HADH: variants seen among roughly 807,000 people sequenced by gnomAD.
HADH encodes hydroxyacyl-CoA dehydrogenase.
In HADH, 24 loss-of-function variants were observed where a neutral mutation model predicts 32.2. The observed-to-expected ratio is 0.75, with a 90% CI of 0.54 to 1.05. HADH has a LOEUF of 1.05. HADH is among the 50% of genes least tolerant of loss of function. HADH has a pLI of 0.00. For synonymous variants in HADH, 139 were observed against 152.5 expected (o/e 0.91, Z 0.65); for missense variants, 350 against 397.1 (o/e 0.88, Z 1.01).
chr4:108,005,185 C>T (rs1029367008), intron 1 of HADH: 10 of 259,176 alleles, frequency 3.9e-5, no homozygotes, highest in African/African-American at 1.8e-4. Flanking sequence ...CTAAAACTTA[C>T]ATTAAACAAT....
At chr4:108,008,364 A>G (rs1735360720) in intron 1 of HADH, among the ~76,000 whole-genome samples, 1 of 152,320 alleles carries the variant, frequency 6.6e-6, no homozygotes, top group East Asian at 1.9e-4. Flanking sequence ...CTGCAGGTCC[A>G]CAGGCTCAGA....
chr4:108,032,393 G>T (rs746736129), intron 6 of HADH: 3 of 1,568,012 alleles, frequency 1.9e-6, no homozygotes, highest in African/African-American at 1.3e-5. Context: ...TTGACTAAAA[G>T]GTTTGTGTGA....
intron 4 of HADH, among the ~76,000 whole-genome samples, chr4:108,020,872 C>G (rs1424829887): frequency 1.3e-5 from 2 of 152,196 alleles, no homozygotes; most frequent in Non-Finnish European, 2.9e-5. Flanking sequence ...CCTTTTCCAA[C>G]TACCTTTTCC....
At chr4:108,004,811 A>T (rs780339604) in intron 1 of HADH, 22 of 1,535,878 alleles carry the variant, frequency 1.4e-5, no homozygotes, top group Non-Finnish European at 1.9e-5. Context: ...ACACTTCAAG[A>T]CCTGGGTGTC....
At position 108,022,009 on chromosome 4, in the gene HADH, C is replaced by T. The variant is rs538712853; in HGVS notation, c.547-1465C>T. 1.6e-3 allele frequency among the ~76,000 whole-genome samples: 248 copies of T among 152,218 alleles called. 1 individual carries two copies. Among genetic ancestry groups the T allele is most frequent in the African/African-American group, 5.8e-3 (239 of 41,520 alleles). On this transcript the variant is annotated intron_variant, in intron 4 of 7. Coordinates refer to ENST00000309522, the MANE Select transcript of HADH (RefSeq NM_005327.7). ...CACAGACACTAGCTCATTAGTTCAC[C>T]GAGTCAGACGGCCCTCTTGCACAGG... is the stretch of plus-strand genomic sequence containing the variant.
At chr4:107,992,155 A>C (rs571721807) in intron 1 of HADH, among the ~76,000 whole-genome samples, 2 of 152,310 alleles carry the variant, frequency 1.3e-5, no homozygotes, top group African/African-American at 4.8e-5. Context: ...TGTCAATCAA[A>C]CTCTTAAATA....
intron 3 of HADH, 141 bp from the exon 4 acceptor site, chr4:108,019,399 G>A: frequency 1.3e-6 from 1 of 765,218 alleles, no homozygotes; most frequent in South Asian, 1.4e-5. Context: ...ATATGAAGAT[G>A]TGTCTTCTCC....
chr4:108,014,738 A>G (rs1419878655), intron 3 of HADH, 150 bp downstream of exon 3: 3 of 718,518 alleles, frequency 4.2e-6, no homozygotes, highest in East Asian at 2.7e-5. Flanking sequence ...GGCTTTTAGT[A>G]TACCCATCAC....
chr4:107,998,482 G>A (rs759342908), intron 1 of HADH, among the ~76,000 whole-genome samples: 1 of 152,168 alleles, frequency 6.6e-6, no homozygotes, highest in African/African-American at 2.4e-5. Flanking sequence ...GTTTCACCAT[G>A]TTGGTCAGGC....
Position 108,009,904 on chromosome 4 carries a change from G to A in HADH, c.261+17G>A, listed in dbSNP as rs185657456. Reference sequence around the variant, plus strand: ...AACCTTAAGGTAATTTCTTATTATCGATGTCTTCAAGACAAGTCCTCTGAC... The same window carrying A: ...AACCTTAAGGTAATTTCTTATTATCAATGTCTTCAAGACAAGTCCTCTGAC... On this transcript the variant is annotated intron_variant, in intron 2 of 7. Transcript: ENST00000309522. 8.9e-6 allele frequency: 14 copies of A among 1,577,936 alleles called. No individual in the cohort carries two copies. The highest frequency in any genetic ancestry group is 1.7e-4 in the Middle Eastern group (1 of 5,986).
rs1736396848 is a variant in HADH, at chr4:108,034,568, G to A, written c.*211G>A. The A allele has an allele frequency of 5.7e-6, 3 of 521,956 alleles. No individual in the cohort carries two copies. The East Asian group carries it at 1.2e-4, about 20-fold the overall frequency. The allele number at this position is 521,956 out of a possible 1,614,324, so 32.3% of individuals were successfully genotyped here. ...AAGAAATAATTCCCTTTTTTAGTCT[G>A]TTCATTTCTGTGTATTTTCTAAACA... On this transcript the variant is annotated 3_prime_UTR_variant, in exon 8 of 8. Transcript: ENST00000309522.
chr4:108,019,200 C>G (rs936257418), intron 3 of HADH, among the ~76,000 whole-genome samples: 13 of 152,130 alleles, frequency 8.5e-5, no homozygotes, highest in African/African-American at 2.7e-4. Context: ...GTAGCTTGAT[C>G]AATTAGCCAC....
At position 108,019,596 on chromosome 4, in the gene HADH, C is replaced by T. The variant is rs758432207; in HGVS notation, c.476C>T (p.Ala159Val). 1 of 1,613,776 alleles carries T rather than the reference C, an allele frequency of 6.2e-7. No individual in the cohort carries two copies. The highest frequency in any genetic ancestry group is 1.1e-5 in the South Asian group (1 of 91,086). Residue 159 changes from alanine (A) to valine (V), a missense_variant, in exon 4 of 8, where the codon GCC becomes GTC. By Grantham distance (64) the Ala-to-Val change is moderately conservative (BLOSUM62 0). Coordinates refer to ENST00000309522, the MANE Select transcript of HADH (RefSeq NM_005327.7). Reference protein sequence around the residue: ...SSLQITSIANATTRQDRFAGL... With the variant: ...SSLQITSIANVTTRQDRFAGL... ...TTGCAGATTACAAGCATAGCTAATG[C>T]CACCACCAGACAAGACCGATTCGCT...
chr4:108,025,222 T>C (rs4245924), intron 5 of HADH: 131,972 of 152,254 alleles, frequency 0.87, 58,077 homozygotes, highest in East Asian at 0.97. Context: ...ACTTTACCAA[T>C]ACTTGACATA....
intron 2 of HADH, 89 bp downstream of exon 2, chr4:108,009,976 T>C: frequency 1.3e-6 from 1 of 766,934 alleles, no homozygotes; most frequent in Non-Finnish European, 2.1e-6. Flanking sequence ...TTTCTTTCTT[T>C]CTTTTTTTTT....
rs1735803859 is a variant in HADH, at chr4:108,019,425, G to T, written c.420-115G>T. On this transcript the variant is annotated intron_variant, in intron 3 of 7. Coordinates refer to ENST00000309522, the MANE Select transcript of HADH (RefSeq NM_005327.7). Reference sequence around the variant, plus strand: ...TGTCTTCTCCCTCATTCCCCCAATGGGTCAGGACAACAGATGTGGCAGTAA... The same window carrying T: ...TGTCTTCTCCCTCATTCCCCCAATGTGTCAGGACAACAGATGTGGCAGTAA... The T allele has an allele frequency of 3.4e-6, 3 of 884,796 alleles. No individual in the cohort carries two copies. In the Admixed American group the frequency reaches 5.1e-5, roughly 15 times the overall value. The allele number at this position is 884,796 out of a possible 1,614,324, so 54.8% of individuals were successfully genotyped here.
At chr4:108,018,250 G>T (rs1306183073) in intron 3 of HADH, among the ~76,000 whole-genome samples, 1 of 152,180 alleles carries the variant, frequency 6.6e-6, no homozygotes, top group Non-Finnish European at 1.5e-5. Flanking sequence ...TGTGGTTCCA[G>T]GTGCTTGTGG....
chr4:107,999,365 G>A lies in HADH; in HGVS notation c.132+9301G>A, dbSNP rs150721956. On this transcript the variant is annotated intron_variant, in intron 1 of 7. Coordinates refer to ENST00000309522, the MANE Select transcript of HADH (RefSeq NM_005327.7). ...CCCTACATTTCCCCTTTTACCTAGC[G>A]TCACAACCACCAGTACTAGAAAGCA... is the stretch of plus-strand genomic sequence containing the variant. Among the ~76,000 whole-genome samples the A allele has an allele frequency of 1.7e-4, 26 of 152,272 alleles. No individual in the cohort carries two copies. The East Asian group carries it at 4.0e-3, about 24-fold the overall frequency.
chr4:108,018,716 T>TA (rs1735777433), intron 3 of HADH, among the ~76,000 whole-genome samples: 1 of 152,192 alleles, frequency 6.6e-6, no homozygotes, highest in Non-Finnish European at 1.5e-5. Flanking sequence ...CCTGCCCTGT[T>TA]ACAGTCCATC....
Sources: gnomAD v4.1 joint callset for allele counts (sites outside exome capture counted in the v4.1 genomes callset) on GRCh38, gnomAD v4.1.1 for gene constraint, MANE v1.5 for transcripts, NCBI Gene and HGNC (gene_info 2026-07-23, HGNC 2026-07-21) for gene names.